The following MLLT10 variants were observed in gnomAD, a reference collection of about 807,000 sequenced individuals.
MLLT10 encodes the protein protein AF-10.
Under a neutral mutation model 129.1 loss-of-function variants are expected in MLLT10, and 30 were observed. The observed-to-expected ratio is 0.23, with a 90% confidence interval of 0.17 to 0.32. MLLT10 has a LOEUF of 0.32. MLLT10 is among the 10% of genes least tolerant of loss of function. The pLI is 1.00. For missense variants in MLLT10, 1,119 were observed against 1,268.3 expected (o/e 0.88, Z 1.79); for synonymous variants, 490 against 446.4 (o/e 1.10, Z -1.23).
chr10:21,673,318 C>CCCCCATT (rs1564622986), intron 10 of MLLT10, 32 bp from the exon 11 acceptor site: 2 of 307,650 alleles, frequency 6.5e-6, no homozygotes, highest in Non-Finnish European at 1.0e-5. Context: ...CACCCCCCAA[C>CCCCCATT]TTTTTTTTTT....
At chr10:21,623,202 T>G (rs1373154426) in intron 8 of MLLT10, among the ~76,000 whole-genome samples, 1 of 152,194 alleles carries the variant, frequency 6.6e-6, no homozygotes, top group Non-Finnish European at 1.5e-5. Context: ...ATTAAATCGT[T>G]GGTCATTGGT....
At chr10:21,676,845 T>G (rs1268480170) in intron 11 of MLLT10, among the ~76,000 whole-genome samples, 1 of 152,072 alleles carries the variant, frequency 6.6e-6, no homozygotes, top group Non-Finnish European at 1.5e-5. Flanking sequence ...TTTAGTTTTA[T>G]GTATGTTAAT....
chr10:21,562,544 G>A (rs989425231), intron 3 of MLLT10, among the ~76,000 whole-genome samples: 5 of 151,562 alleles, frequency 3.3e-5, no homozygotes, highest in African/African-American at 7.3e-5. Flanking sequence ...TACCATGTTG[G>A]CGAGGCTGGT....
intron 3 of MLLT10, among the ~76,000 whole-genome samples, chr10:21,582,247 A>G (rs925448798): frequency 1.3e-5 from 2 of 151,786 alleles, no homozygotes; most frequent in Admixed American, 6.6e-5. Context: ...CCTCCTGCTT[A>G]GCTGGGACTG....
In MLLT10 at chr10:21,712,097, C is replaced by T. The variant is rs548630633; in HGVS notation, c.1700-1675C>T. Among the ~76,000 whole-genome samples the T allele has an allele frequency of 2.6e-4, 40 of 152,282 alleles. 1 individual carries two copies. Among genetic ancestry groups the T allele is most frequent in the African/African-American group, 7.7e-4 (32 of 41,546 alleles). On this transcript the variant is annotated intron_variant, in intron 13 of 22. Coordinates refer to ENST00000307729, the MANE Select transcript of MLLT10 (RefSeq NM_001195626.3). ...ATTGTAGATATAAAAAAGATCCCGA[C>T]GCCTTAATTATAGCTGTAAGGCTTT...
chr10:21,660,719 C>A (rs894454830), intron 9 of MLLT10, among the ~76,000 whole-genome samples: 7 of 148,380 alleles, frequency 4.7e-5, no homozygotes, highest in African/African-American at 1.7e-4. Flanking sequence ...ACTAAAAATA[C>A]AAAAATTAGC....
chr10:21,698,442 T>C (rs1408598417), intron 13 of MLLT10, among the ~76,000 whole-genome samples: 1 of 152,244 alleles, frequency 6.6e-6, no homozygotes, highest in Non-Finnish European at 1.5e-5. Flanking sequence ...TGTGTGTATA[T>C]ACTACACTTT....
At chr10:21,548,916 A>T (rs1420783686) in intron 3 of MLLT10, among the ~76,000 whole-genome samples, 2 of 152,084 alleles carry the variant, frequency 1.3e-5, no homozygotes, top group African/African-American at 4.8e-5. Context: ...ATTCTTTGTT[A>T]ACTCTGGTGA....
chr10:21,585,993 T>G (rs987820860), intron 3 of MLLT10, among the ~76,000 whole-genome samples: 3 of 152,168 alleles, frequency 2.0e-5, no homozygotes, highest in African/African-American at 7.2e-5. Context: ...ACTCCCGACC[T>G]CAGCTAATCC....
intron 8 of MLLT10, among the ~76,000 whole-genome samples, chr10:21,636,748 A>C (rs2131282184): frequency 6.6e-6 from 1 of 151,194 alleles, no homozygotes; most frequent in Middle Eastern, 3.4e-3. Context: ...TAATTTTTGT[A>C]TTTTTAGTAG....
chr10:21,586,086 A>G lies in MLLT10; in HGVS notation c.241-208A>G, dbSNP rs186001284. ...CCATGGCAGGAATTTAAAAGTTAAA[A>G]TGTACTTTAAAAAAATTACTTGTCC... On this transcript the variant is annotated intron_variant, in intron 3 of 22. Transcript: ENST00000307729. Among the ~76,000 whole-genome samples the G allele has an allele frequency of 3.2e-3, 489 of 152,306 alleles. 3 individuals are homozygous for G. The highest frequency in any genetic ancestry group is 0.011 in the African/African-American group (469 of 41,564).
At chr10:21,661,907 C>T (rs2050250586) in intron 9 of MLLT10, among the ~76,000 whole-genome samples, 1 of 151,942 alleles carries the variant, frequency 6.6e-6, no homozygotes, top group Admixed American at 6.6e-5. Flanking sequence ...TAATATCTAC[C>T]ATATTTATTA....
intron 9 of MLLT10, among the ~76,000 whole-genome samples, chr10:21,658,973 T>TA (rs1320433145): frequency 4.6e-5 from 7 of 152,036 alleles, no homozygotes. Flanking sequence ...GCTGGTATCT[T>TA]TTTATGTGCA....
At chr10:21,642,508 T>A (rs1352610446) in intron 8 of MLLT10, among the ~76,000 whole-genome samples, 1 of 151,540 alleles carries the variant, frequency 6.6e-6, no homozygotes, top group African/African-American at 2.4e-5. Flanking sequence ...AATACAAAAA[T>A]TAGCTGGGTG....
At position 21,727,909 on chromosome 10, in the gene MLLT10, C is replaced by CGAG; in HGVS notation, c.2047_2049dup (p.Gly683dup). 1 of 1,613,916 alleles carries CGAG rather than the reference C, an allele frequency of 6.2e-7. No homozygotes were observed. The highest frequency in any genetic ancestry group is 8.5e-7 in the Non-Finnish European group (1 of 1,179,946). On this transcript the variant is annotated inframe_insertion, in exon 16 of 23. Transcript: ENST00000307729. ...CCTAGTTGGCAGAGGAAGCTCACCC[C>CGAG]GAGGAAGTCTCTCGCCACGGTAAGC... is the stretch of plus-strand genomic sequence containing the variant.
intron 8 of MLLT10, among the ~76,000 whole-genome samples, chr10:21,649,900 C>T (rs1174224485): frequency 2.0e-5 from 3 of 152,214 alleles, no homozygotes; most frequent in South Asian, 2.1e-4. Flanking sequence ...AGTGATAACC[C>T]GTTGCAGAGA....
At chr10:21,602,924 G>C (rs1433498590) in intron 5 of MLLT10, among the ~76,000 whole-genome samples, 2 of 151,610 alleles carry the variant, frequency 1.3e-5, no homozygotes, top group African/African-American at 4.8e-5. Flanking sequence ...AGTAGAGACG[G>C]GGTTTCACCA....
At chr10:21,586,272 G>C (rs368157812) in intron 3 of MLLT10, 22 bp from the exon 4 acceptor site, 537 of 1,447,794 alleles carry the variant, frequency 3.7e-4, no homozygotes, top group Non-Finnish European at 4.7e-4. Context: ...TTCATTACCT[G>C]TTTCTTTTTT....
rs191153231 is a variant in MLLT10, at chr10:21,579,327, A to G, written c.241-6967A>G. Among the ~76,000 whole-genome samples the G allele has an allele frequency of 7.2e-5, 11 of 152,182 alleles. No individual in the cohort carries two copies. The East Asian group carries it at 7.7e-4, about 11-fold the overall frequency. ...TTGCTGTTTAGCAAGGCATTTGACT[A>G]TTTGAGGTTTGCTGAGATTCTTGAA... On this transcript the variant is annotated intron_variant, in intron 3 of 22. Coordinates refer to ENST00000307729, the MANE Select transcript of MLLT10 (RefSeq NM_001195626.3).
Sources: allele counts gnomAD v4.1 joint callset (sites outside exome capture counted in the v4.1 genomes callset), GRCh38; gene constraint gnomAD v4.1.1; transcripts MANE v1.5; gene names NCBI Gene and HGNC (gene_info 2026-07-23, HGNC 2026-07-21).